BAZ2B: variants seen among roughly 807,000 people sequenced by gnomAD.
BAZ2B encodes the protein bromodomain adjacent to zinc finger domain protein 2B.
Under a neutral mutation model 246.0 loss-of-function variants are expected in BAZ2B, and 91 were observed. The observed-to-expected ratio is 0.37, with a 90% CI of 0.31 to 0.44. BAZ2B has a LOEUF of 0.44. Ranked by LOEUF, BAZ2B falls within the 20% of genes least tolerant of loss-of-function variation. The probability of loss-of-function intolerance (pLI) is 1.00; values close to 1 mark genes in which losing one functional copy is unlikely to be tolerated. For synonymous variants in BAZ2B, 855 were observed against 860.0 expected (o/e 0.99, Z 0.10); for missense variants, 2,332 against 2,533.7 (o/e 0.92, Z 1.71).
At chr2:159,317,737 C>T (rs997560494), downstream of BAZ2B, among the ~76,000 whole-genome samples, 6 of 151,748 alleles carry the variant, frequency 4.0e-5, no homozygotes, top group Admixed American at 3.9e-4. Context: ...TATGTGACAG[C>T]AGAGAGAGTT....
chr2:159,411,379 A>C (rs2149895433), intron 14 of BAZ2B, among the ~76,000 whole-genome samples: 1 of 152,288 alleles, frequency 6.6e-6, no homozygotes, highest in East Asian at 1.9e-4. Context: ...AGCAACAGAG[A>C]AGTCTATATT....
chr2:159,685,722 A>G, the BAZ2B span, among the ~76,000 whole-genome samples: 1 of 152,196 alleles, frequency 6.6e-6, no homozygotes, highest in Non-Finnish European at 1.5e-5. Context: ...ACTATACATA[A>G]TGCCATATTA....
intron 1 of BAZ2B, among the ~76,000 whole-genome samples, chr2:159,584,536 C>A (rs1043673741): frequency 2.0e-5 from 3 of 152,072 alleles, no homozygotes; most frequent in Admixed American, 1.3e-4. Flanking sequence ...GTAACCTGGG[C>A]CATAGAACAG....
intron 6 of BAZ2B, among the ~76,000 whole-genome samples, chr2:159,442,516 A>G (rs1459263121): frequency 6.6e-6 from 1 of 152,220 alleles, no homozygotes; most frequent in Non-Finnish European, 1.5e-5. Flanking sequence ...GTGGTAAAAT[A>G]CACATAACAT....
upstream of BAZ2B, among the ~76,000 whole-genome samples, chr2:159,621,501 A>G (rs138281028): frequency 3.9e-5 from 6 of 152,372 alleles, no homozygotes; most frequent in Non-Finnish European, 5.9e-5. Context: ...GGGGACAATC[A>G]TAACAGATAC....
At chr2:159,358,751 T>A (rs1230967446) in intron 27 of BAZ2B, among the ~76,000 whole-genome samples, 2 of 152,144 alleles carry the variant, frequency 1.3e-5, no homozygotes, top group Non-Finnish European at 2.9e-5. Context: ...ATGGAAATAA[T>A]AACCAGCAGT....
At chr2:159,679,495 G>A in the BAZ2B span, among the ~76,000 whole-genome samples, 47,549 of 151,834 alleles carry the variant, frequency 0.31, 9,386 homozygotes, top group Admixed American at 0.48. Context: ...TGTTTTGGGT[G>A]ATTATGAATA....
intron 13 of BAZ2B, among the ~76,000 whole-genome samples, chr2:159,417,447 A>G (rs750116862): frequency 6.6e-6 from 1 of 152,220 alleles, no homozygotes; most frequent in Admixed American, 6.5e-5. Flanking sequence ...TTTGGATTAC[A>G]TGCGTGCGCC....
At chr2:159,347,375 T>C in intron 31 of BAZ2B, 111 bp downstream of exon 31, 7 of 1,250,248 alleles carry the variant, frequency 5.6e-6, no homozygotes, top group Non-Finnish European at 7.9e-6. Flanking sequence ...CAGAATTAAA[T>C]GAGACAAAAT....
the BAZ2B span, among the ~76,000 whole-genome samples, chr2:159,687,550 T>C: frequency 1.5e-4 from 23 of 152,336 alleles, no homozygotes; most frequent in Admixed American, 4.6e-4. Flanking sequence ...GGAGGCAGAA[T>C]GTGTCCAAAG....
chr2:159,414,653 C>T (rs1471869840), intron 13 of BAZ2B, among the ~76,000 whole-genome samples: 1 of 151,826 alleles, frequency 6.6e-6, no homozygotes, highest in Non-Finnish European at 1.5e-5. Context: ...CCCGTCTCTA[C>T]TAAAAACACA....
At chr2:159,504,874 T>C (rs748916236) in intron 2 of BAZ2B, among the ~76,000 whole-genome samples, 1 of 152,228 alleles carries the variant, frequency 6.6e-6, no homozygotes, top group African/African-American at 2.4e-5. Context: ...AAGTTCTACA[T>C]GAACTTATTT....
the BAZ2B span, among the ~76,000 whole-genome samples, chr2:159,634,961 G>A: frequency 6.6e-6 from 1 of 152,172 alleles, no homozygotes; most frequent in Non-Finnish European, 1.5e-5. Context: ...AGTGGCAGAA[G>A]TCACATGGCT....
intron 17 of BAZ2B, among the ~76,000 whole-genome samples, chr2:159,399,602 A>G (rs1470344901): frequency 6.6e-6 from 1 of 152,186 alleles, no homozygotes; most frequent in East Asian, 1.9e-4. Flanking sequence ...GAAGTTTCAT[A>G]ACTAGTAGTT....
the BAZ2B span, among the ~76,000 whole-genome samples, chr2:159,652,840 A>C: frequency 6.6e-6 from 1 of 150,662 alleles, no homozygotes; most frequent in South Asian, 2.1e-4. Flanking sequence ...CTGGTCTCAA[A>C]CTCCTAGGCT....
In BAZ2B at chr2:159,412,464, T is replaced by G; in HGVS notation, c.2548A>C (p.Asn850His). Reference protein sequence around the residue: ...AMEGRRGRPPNPDRQRAREES... With the variant: ...AMEGRRGRPPHPDRQRAREES... ...TCTCTTGCTCGTTGTCTATCTGGAT[T>G]TGGTGGTCTTCCTCTACGACCTTCC... The change falls in exon 14 of 37, where the codon AAT becomes CAT. Residue 850 changes from asparagine to histidine, a missense_variant. Transcript: ENST00000392783. 1.2e-6 allele frequency: 2 copies of G among 1,614,118 alleles called. No homozygotes were observed. The highest frequency in any genetic ancestry group is 1.7e-6 in the Non-Finnish European group (2 of 1,179,996).
intron 1 of BAZ2B, among the ~76,000 whole-genome samples, chr2:159,595,439 T>C (rs368851112): frequency 1.4e-4 from 22 of 152,310 alleles, no homozygotes; most frequent in South Asian, 8.3e-4. Context: ...TTTTAGGTCA[T>C]GTTAGTGGAA....
At chr2:159,420,818 A>C (rs546308524) in intron 13 of BAZ2B, among the ~76,000 whole-genome samples, 1 of 152,354 alleles carries the variant, frequency 6.6e-6, no homozygotes, top group South Asian at 2.1e-4. Context: ...AAATAAAAAC[A>C]ATGCCATTTA....
At chr2:159,693,910 A>C in the BAZ2B span, 1 of 152,122 alleles carries the variant, frequency 6.6e-6, no homozygotes, top group Non-Finnish European at 1.5e-5. Context: ...ACTTATTTGG[A>C]AAGAAAAGTA....
Sources: allele counts gnomAD v4.1 joint callset (sites outside exome capture counted in the v4.1 genomes callset), GRCh38; gene constraint gnomAD v4.1.1; transcripts MANE v1.5; gene names NCBI Gene and HGNC (gene_info 2026-07-23, HGNC 2026-07-21).